PRKN: variants seen among roughly 807,000 people sequenced by gnomAD.
PRKN encodes the protein E3 ubiquitin-protein ligase parkin.
In PRKN, 56 loss-of-function variants were observed where a neutral mutation model predicts 59.5. That is an observed-to-expected ratio of 0.94 (90% confidence interval 0.76 to 1.18). The LOEUF (loss-of-function observed/expected upper bound fraction) is 1.18. Among genes scored for constraint, PRKN ranks in the 50% most tolerant of loss-of-function variants. The pLI is 0.00. For synonymous variants in PRKN, 250 were observed against 222.1 expected (o/e 1.13, Z -1.12); for missense variants, 657 against 596.4 (o/e 1.10, Z -1.06).
intron 7 of PRKN, among the ~76,000 whole-genome samples, chr6:161,596,586 C>T (rs555173784): frequency 2.0e-5 from 3 of 152,044 alleles, no homozygotes; most frequent in Non-Finnish European, 2.9e-5. Flanking sequence ...GTGGTCCCAG[C>T]GATATCGACA....
At chr6:161,602,678 C>T (rs1782149782) in intron 7 of PRKN, among the ~76,000 whole-genome samples, 1 of 152,182 alleles carries the variant, frequency 6.6e-6, no homozygotes, top group Admixed American at 6.5e-5. Context: ...GGATTTCTTT[C>T]TCTGAACTTA....
chr6:161,690,335 C>T (rs1785732880), intron 7 of PRKN, among the ~76,000 whole-genome samples: 1 of 152,122 alleles, frequency 6.6e-6, no homozygotes, highest in Admixed American at 6.5e-5. Flanking sequence ...ATTTACAATC[C>T]CACAGACACA....
At chr6:162,464,054 T>C (rs993876799) in intron 1 of PRKN, among the ~76,000 whole-genome samples, 1 of 152,190 alleles carries the variant, frequency 6.6e-6, no homozygotes, top group Non-Finnish European at 1.5e-5. Context: ...GATGAGATCA[T>C]GAGGTGACGT....
chr6:162,284,596 A>G (rs1781096779), intron 2 of PRKN, among the ~76,000 whole-genome samples: 1 of 152,168 alleles, frequency 6.6e-6, no homozygotes, highest in Non-Finnish European at 1.5e-5. Flanking sequence ...ATTCCACTGT[A>G]GTGACTTACA....
At position 161,468,613 on chromosome 6, in the gene PRKN, C is replaced by A. The variant is rs1177988982; in HGVS notation, c.1083+80241G>T. 1.3e-5 allele frequency among the ~76,000 whole-genome samples: 2 copies of A among 152,156 alleles called. No individual in the cohort carries two copies. Among genetic ancestry groups the A allele is most frequent in the Admixed American group, 1.3e-4 (2 of 15,274 alleles). On this transcript the variant is annotated intron_variant, in intron 9 of 11. Coordinates refer to ENST00000366898, the MANE Select transcript of PRKN (RefSeq NM_004562.3). This position sits in a 1 kb window ranked among gnomAD's most constrained non-coding sequence, Gnocchi z 5.9. Reference sequence around the variant, plus strand: ...TTCAAATACTCATATTTCAGGAAGGCTCAGATTTAAGTGAAGGTGTCACCA... The same window carrying A: ...TTCAAATACTCATATTTCAGGAAGGATCAGATTTAAGTGAAGGTGTCACCA...
chr6:161,571,878 C>T (rs1052103725), intron 7 of PRKN, among the ~76,000 whole-genome samples: 3 of 152,102 alleles, frequency 2.0e-5, no homozygotes, highest in South Asian at 2.1e-4. Flanking sequence ...AGGCAGAGAA[C>T]GGTGAATGCT....
chr6:161,762,346 C>G (rs539412006), intron 7 of PRKN, among the ~76,000 whole-genome samples: 1 of 152,162 alleles, frequency 6.6e-6, no homozygotes, highest in Admixed American at 6.5e-5. Context: ...CTAATAGTGA[C>G]CAAGTTAGAA....
intron 1 of PRKN, among the ~76,000 whole-genome samples, chr6:162,692,935 G>A (rs1357907975): frequency 1.3e-5 from 2 of 151,910 alleles, no homozygotes; most frequent in Non-Finnish European, 2.9e-5. Flanking sequence ...TGACTCCTTG[G>A]TCATGACCAG....
At chr6:162,400,603 C>A (rs528306994) in intron 2 of PRKN, among the ~76,000 whole-genome samples, 1 of 151,584 alleles carries the variant, frequency 6.6e-6, no homozygotes, top group African/African-American at 2.4e-5. Flanking sequence ...AATAATAGAA[C>A]TAAGACTGAA....
rs1554253822 is a variant in PRKN, at chr6:161,370,611, A to AAAAAAAAAAG, written c.1168-10407_1168-10406insCTTTTTTTTT. On this transcript the variant is annotated intron_variant, in intron 10 of 11. Coordinates refer to ENST00000366898, the MANE Select transcript of PRKN (RefSeq NM_004562.3). ...TGTGTCAAAAAAAAAAAAAAAAAAA[A>AAAAAAAAAAG]GCCGAATTAGCGCCTAGGAGACACA... 1.0e-4 allele frequency among the ~76,000 whole-genome samples: 15 copies of AAAAAAAAAAG among 147,062 alleles called. 1 individual carries two copies. Among genetic ancestry groups the AAAAAAAAAAG allele is most frequent in the African/African-American group, 4.0e-4 (15 of 37,640 alleles).
chr6:162,048,063 T>C (rs1313078944), intron 5 of PRKN, among the ~76,000 whole-genome samples: 1 of 152,178 alleles, frequency 6.6e-6, no homozygotes, highest in Non-Finnish European at 1.5e-5. Context: ...GGTGTTACGC[T>C]ACTTGTTCTG....
At chr6:161,504,262 C>A (rs74339302) in intron 9 of PRKN, among the ~76,000 whole-genome samples, 1 of 152,156 alleles carries the variant, frequency 6.6e-6, no homozygotes, top group Non-Finnish European at 1.5e-5. Flanking sequence ...GCGTTATCTG[C>A]ACCTCAGAGC....
At chr6:161,504,183 A>G (rs1322261133) in intron 9 of PRKN, among the ~76,000 whole-genome samples, 4 of 152,254 alleles carry the variant, frequency 2.6e-5, no homozygotes, top group Admixed American at 6.5e-5. Flanking sequence ...AAGGGTCTCC[A>G]AGGCTGGAAG....
chr6:161,409,762 A>G lies in PRKN; in HGVS notation c.1084-22885T>C, dbSNP rs180826607. On this transcript the variant is annotated intron_variant, in intron 9 of 11. Coordinates refer to ENST00000366898, the MANE Select transcript of PRKN (RefSeq NM_004562.3). The surrounding 1 kb of genome is among the most constrained non-coding windows in gnomAD (Gnocchi z 4.6). ...GTCGCTGTTAGATGACAACCCCTTC[A>G]GCACCGGCCTGAAGAAAGCGCAGGC... 1.3e-5 allele frequency among the ~76,000 whole-genome samples: 2 copies of G among 152,294 alleles called. No individual in the cohort carries two copies. Among genetic ancestry groups the G allele is most frequent in the Admixed American group, 1.3e-4 (2 of 15,290 alleles).
intron 9 of PRKN, among the ~76,000 whole-genome samples, chr6:161,412,466 G>A (rs1456965233): frequency 1.5e-5 from 1 of 67,804 alleles, no homozygotes; most frequent in African/African-American, 6.1e-5. Context: ...CCTTTCTCAC[G>A]CATTCCTCCA....
chr6:162,217,233 A>G (rs1401257528), intron 3 of PRKN, among the ~76,000 whole-genome samples: 2 of 152,184 alleles, frequency 1.3e-5, no homozygotes, highest in African/African-American at 2.4e-5. Flanking sequence ...CTCTCCTGAT[A>G]TGCATGGTTT....
chr6:162,486,450 C>T (rs1173700116), intron 1 of PRKN, among the ~76,000 whole-genome samples: 1 of 152,154 alleles, frequency 6.6e-6, no homozygotes, highest in Non-Finnish European at 1.5e-5. Flanking sequence ...TAAACATTCT[C>T]CCTTGGGGGG....
At chr6:162,500,501 T>C (rs1793317566) in intron 1 of PRKN, among the ~76,000 whole-genome samples, 1 of 152,148 alleles carries the variant, frequency 6.6e-6, no homozygotes, top group South Asian at 2.1e-4. Flanking sequence ...CACGTCTATA[T>C]GGTGGAGTTA....
chr6:161,603,565 T>C (rs1384618950), intron 7 of PRKN, among the ~76,000 whole-genome samples: 1 of 152,250 alleles, frequency 6.6e-6, no homozygotes, highest in Non-Finnish European at 1.5e-5. Flanking sequence ...TTAACACTTC[T>C]ATTTTATTCA....
Sources: gnomAD v4.1 joint callset for allele counts (sites outside exome capture counted in the v4.1 genomes callset) on GRCh38, gnomAD v4.1.1 for gene constraint, Gnocchi (gnomAD v3.1) non-coding constraint, MANE v1.5 for transcripts, NCBI Gene and HGNC (gene_info 2026-07-23, HGNC 2026-07-21) for gene names.